Variants in CLVS1 observed in about 807,000 individuals in gnomAD.
CLVS1 encodes the protein clavesin-1.
A neutral mutation model predicts 33.1 loss-of-function variants in CLVS1; 10 were observed. That is an observed-to-expected ratio of 0.30 (90% CI 0.19 to 0.51). The LOEUF (loss-of-function observed/expected upper bound fraction) is 0.51, where lower values mean the gene tolerates loss of function less well. CLVS1 is among the 20% of genes least tolerant of loss of function. CLVS1 has a pLI of 0.97. For synonymous variants in CLVS1, 163 were observed against 166.1 expected (o/e 0.98, Z 0.14); for missense variants, 343 against 433.4 (o/e 0.79, Z 1.85).
At chr8:61,202,819 A>C (rs1279733787) in intron 2 of CLVS1, 2 of 1,175,410 alleles carry the variant, frequency 1.7e-6, no homozygotes, top group African/African-American at 3.0e-5. Context: ...GAAAAAAGTA[A>C]AACTTGCTGC....
chr8:61,032,997 GAAAGAAA>G, the CLVS1 span, among the ~76,000 whole-genome samples: 15 of 44,818 alleles, frequency 3.3e-4, no homozygotes, highest in South Asian at 1.1e-3. Context: ...AGGAAGGAAA[GAAAGAAA>G]GAAAGAAAGA....
chr8:60,980,031 T>C, the CLVS1 span, among the ~76,000 whole-genome samples: 1 of 152,206 alleles, frequency 6.6e-6, no homozygotes, highest in African/African-American at 2.4e-5. Flanking sequence ...TTCAACACTT[T>C]GTAGAAGACA....
intron 2 of CLVS1, among the ~76,000 whole-genome samples, chr8:61,149,695 G>A (rs997991470): frequency 2.0e-5 from 3 of 152,068 alleles, no homozygotes; most frequent in Non-Finnish European, 2.9e-5. Context: ...TTAACATGAG[G>A]TGGGATGTTC....
chr8:61,254,021 C>T (rs1187463930), intron 2 of CLVS1, among the ~76,000 whole-genome samples: 1 of 152,190 alleles, frequency 6.6e-6, no homozygotes, highest in Non-Finnish European at 1.5e-5. Flanking sequence ...TTCAGTTTTT[C>T]TGCTTTGTTT....
intron 3 of CLVS1, among the ~76,000 whole-genome samples, chr8:61,381,674 G>A (rs1003849446): frequency 5.9e-5 from 9 of 152,134 alleles, no homozygotes; most frequent in Admixed American, 5.9e-4. Context: ...CTACTTATAA[G>A]TGAGAATGTG....
At chr8:61,127,506 C>T (rs1805999282) in intron 1 of CLVS1, among the ~76,000 whole-genome samples, 1 of 152,116 alleles carries the variant, frequency 6.6e-6, no homozygotes, top group African/African-American at 2.4e-5. Flanking sequence ...AGACATGAGC[C>T]ACTGGTGCCC....
chr8:61,165,590 G>A (rs985050002), intron 2 of CLVS1, among the ~76,000 whole-genome samples: 1 of 152,192 alleles, frequency 6.6e-6, no homozygotes, highest in Non-Finnish European at 1.5e-5. Flanking sequence ...TTCCCAACTA[G>A]GCTTAGGGAT....
rs946406054 is a variant in CLVS1 at position 61,431,809 on chromosome 8, T to A, written c.631-22332T>A. On this transcript the variant is annotated intron_variant, in intron 3 of 5. Transcript: ENST00000325897. The stretch of plus-strand genomic sequence containing the variant: ...ATATATAGGTTACATAAAGCAATGG[T>A]AAATTCAAACTATCCGTGCCAGAAA... 3.3e-5 allele frequency among the ~76,000 whole-genome samples: 5 copies of A among 152,198 alleles called. No individual in the cohort carries two copies. The South Asian group carries it at 8.3e-4, about 25-fold the overall frequency.
intron 2 of CLVS1, among the ~76,000 whole-genome samples, chr8:61,329,812 C>G (rs185503756): frequency 4.8e-4 from 73 of 152,254 alleles, no homozygotes; most frequent in African/African-American, 1.7e-3. Flanking sequence ...ATTCCCTTCC[C>G]TATATAACCT....
At chr8:61,412,806 C>T (rs867120547) in intron 3 of CLVS1, among the ~76,000 whole-genome samples, 1 of 152,116 alleles carries the variant, frequency 6.6e-6, no homozygotes, top group South Asian at 2.1e-4. Context: ...TTTTAGAGGA[C>T]CTTGAATGTC....
At chr8:61,005,032 A>G in the CLVS1 span, among the ~76,000 whole-genome samples, 1 of 152,186 alleles carries the variant, frequency 6.6e-6, no homozygotes, top group Non-Finnish European at 1.5e-5. Context: ...TTTCATCCCA[A>G]TGTCTGTCAT....
intron 3 of CLVS1, among the ~76,000 whole-genome samples, chr8:61,421,984 G>A (rs1350166388): frequency 6.6e-6 from 1 of 151,880 alleles, no homozygotes; most frequent in South Asian, 2.1e-4. Context: ...AAAATATTGG[G>A]CTTTAGTCAG....
chr8:61,000,780 C>A, the CLVS1 span, among the ~76,000 whole-genome samples: 1 of 152,232 alleles, frequency 6.6e-6, no homozygotes, highest in Non-Finnish European at 1.5e-5. Context: ...TGACCTTTGA[C>A]CCTTCACAGT....
intron 3 of CLVS1, among the ~76,000 whole-genome samples, chr8:61,383,245 T>C (rs1813955667): frequency 6.6e-6 from 1 of 152,212 alleles, no homozygotes; most frequent in Admixed American, 6.5e-5. Context: ...TTTCTTTCTG[T>C]TCATGTGGTG....
intron 2 of CLVS1, among the ~76,000 whole-genome samples, chr8:61,178,215 A>G (rs1293462558): frequency 6.6e-6 from 1 of 152,346 alleles, no homozygotes; most frequent in East Asian, 1.9e-4. Context: ...AAGTATCAAT[A>G]GCTGAGTAGA....
intron 5 of CLVS1, among the ~76,000 whole-genome samples, chr8:61,486,369 T>C (rs891745844): frequency 6.6e-6 from 1 of 152,220 alleles, no homozygotes; most frequent in African/African-American, 2.4e-5. Flanking sequence ...AGTAGAACTA[T>C]TCTTACAAGA....
chr8:61,499,334 C>G (rs1426913655), intron 5 of CLVS1, 121 bp from the exon 6 acceptor site: 13 of 650,044 alleles, frequency 2.0e-5, no homozygotes, highest in Non-Finnish European at 3.6e-5. Context: ...TGCCACTGCA[C>G]CCAGTTAATT....
intron 2 of CLVS1, among the ~76,000 whole-genome samples, chr8:61,194,914 T>C (rs1807571047): frequency 7.3e-6 from 1 of 137,280 alleles, no homozygotes; most frequent in Non-Finnish European, 1.6e-5. Context: ...CAGTAGCAAA[T>C]TGAAAATTAG....
intron 1 of CLVS1, among the ~76,000 whole-genome samples, chr8:61,059,144 T>G (rs1487168830): frequency 1.3e-5 from 2 of 152,050 alleles, no homozygotes; most frequent in East Asian, 1.9e-4. Context: ...GATTGTGCCA[T>G]TTTTTTATTC....
Sources: gnomAD v4.1 joint callset for allele counts (sites outside exome capture counted in the v4.1 genomes callset) on GRCh38, gnomAD v4.1.1 for gene constraint, MANE v1.5 for transcripts, NCBI Gene and HGNC (gene_info 2026-07-23, HGNC 2026-07-21) for gene names.